ANKRD6: variants seen among roughly 807,000 people sequenced by gnomAD.
The protein encoded by ANKRD6 is ankyrin repeat domain-containing protein 6.
A neutral mutation model predicts 82.3 loss-of-function variants in ANKRD6; 56 were observed. That is an observed-to-expected ratio of 0.68 (90% CI 0.55 to 0.85). The LOEUF is 0.85. Ranked by LOEUF, ANKRD6 falls within the 40% of genes least tolerant of loss-of-function variation. The pLI, the probability that ANKRD6 is intolerant of heterozygous loss-of-function variation, is 0.00. For synonymous variants in ANKRD6, 347 were observed against 352.1 expected, an observed-to-expected ratio of 0.99 and a Z score of 0.16; for missense variants, 852 against 907.6, an observed-to-expected ratio of 0.94 and a Z score of 0.79.
At chr6:89,538,638 C>T (rs9342200) in intron 1 of ANKRD6, among the ~76,000 whole-genome samples, 24,200 of 152,008 alleles carry the variant, frequency 0.16, 2,413 homozygotes, top group Non-Finnish European at 0.22. Context: ...CTGTTAAGGT[C>T]AAGACTCTAT....
chr6:89,592,836 C>T (rs529353929), intron 2 of ANKRD6, among the ~76,000 whole-genome samples: 10 of 152,240 alleles, frequency 6.6e-5, no homozygotes, highest in Non-Finnish European at 1.5e-4. Context: ...CACCTGTAAT[C>T]CCAGCACTTT....
chr6:89,532,464 C>T (rs2127991796), intron 1 of ANKRD6, among the ~76,000 whole-genome samples: 1 of 152,226 alleles, frequency 6.6e-6, no homozygotes, highest in South Asian at 2.1e-4. Context: ...CCCAAATTTC[C>T]CTGGCTAGGT....
At chr6:89,621,778 A>G (rs1803413728) in intron 9 of ANKRD6, 144 bp from the exon 10 acceptor site, 3 of 759,394 alleles carry the variant, frequency 4.0e-6, no homozygotes, top group Non-Finnish European at 6.9e-6. Context: ...TAGGTGGTCC[A>G]GAGGTGCTTG....
chr6:89,551,913 G>C (rs149591384), intron 1 of ANKRD6, among the ~76,000 whole-genome samples: 1 of 152,110 alleles, frequency 6.6e-6, no homozygotes, highest in Non-Finnish European at 1.5e-5. Context: ...ACAATTCAAG[G>C]TGAGTTTCAT....
intron 1 of ANKRD6, among the ~76,000 whole-genome samples, chr6:89,533,318 G>A (rs1037219530): frequency 1.3e-5 from 2 of 152,180 alleles, no homozygotes; most frequent in African/African-American, 4.8e-5. Flanking sequence ...CTTGTCCAAG[G>A]TCATGTAGTC....
chr6:89,549,063 TGGGC>T (rs1785469849), intron 1 of ANKRD6, among the ~76,000 whole-genome samples: 1 of 151,926 alleles, frequency 6.6e-6, no homozygotes, highest in African/African-American at 2.4e-5. Flanking sequence ...AAAAATTAAC[TGGGC>T]ATGGTGGTGG....
chr6:89,433,636 G>A lies in ANKRD6; in HGVS notation c.-144+261G>A, dbSNP rs868049722. On this transcript the variant is annotated intron_variant, in intron 1 of 15. Transcript: ENST00000339746. This position sits in a 1 kb window ranked among gnomAD's most constrained non-coding sequence, Gnocchi z 4.3. ...GCCTCCCTGGAATATGGAACTTCGG[G>A]CGAGGGAGGTGGAGAACTTTCTTCT... Among the ~76,000 whole-genome samples, 1 of 152,326 alleles carries A rather than the reference G, an allele frequency of 6.6e-6. No individual in the cohort carries two copies. The highest frequency in any genetic ancestry group is 3.4e-3 in the Middle Eastern group (1 of 294).
At chr6:89,546,622 C>T (rs1467207350) in intron 1 of ANKRD6, among the ~76,000 whole-genome samples, 1 of 151,746 alleles carries the variant, frequency 6.6e-6, no homozygotes, top group Admixed American at 6.6e-5. Context: ...CGCCACCATG[C>T]CTGGTTAATT....
At chr6:89,610,392 T>G (rs1799922745) in intron 5 of ANKRD6, among the ~76,000 whole-genome samples, 1 of 152,142 alleles carries the variant, frequency 6.6e-6, no homozygotes, top group Non-Finnish European at 1.5e-5. Flanking sequence ...AGCATAATGT[T>G]TTTGAGATTC....
intron 1 of ANKRD6, among the ~76,000 whole-genome samples, chr6:89,507,341 T>C (rs1004573085): frequency 6.6e-6 from 1 of 152,218 alleles, no homozygotes; most frequent in East Asian, 1.9e-4. Flanking sequence ...TATAAAAATA[T>C]GCAGGAGTGG....
At chr6:89,536,939 G>A (rs1302540422) in intron 1 of ANKRD6, among the ~76,000 whole-genome samples, 1 of 152,178 alleles carries the variant, frequency 6.6e-6, no homozygotes, top group Admixed American at 6.5e-5. Context: ...AACCTCCCGA[G>A]GGGTCCTGGG....
intron 1 of ANKRD6, among the ~76,000 whole-genome samples, chr6:89,456,683 A>G (rs1258518825): frequency 6.6e-6 from 1 of 152,080 alleles, no homozygotes; most frequent in East Asian, 1.9e-4. Context: ...TTTCTTTATT[A>G]CTTGTCTATC....
At position 89,536,172 on chromosome 6, in the gene ANKRD6, C is replaced by G. The variant is rs114868410; in HGVS notation, c.-143-30662C>G. ...TTGAACCTGGAAAACGGAGGTTGCA[C>G]TAAGCCGAGATCGCACCAATGCACT... is the stretch of plus-strand genomic sequence containing the variant. On this transcript the variant is annotated intron_variant, in intron 1 of 15. Transcript: ENST00000339746. 2.7e-3 allele frequency among the ~76,000 whole-genome samples: 412 copies of G among 152,270 alleles called. 1 individual carries two copies. The highest frequency in any genetic ancestry group is 0.011 in the South Asian group (54 of 4,820).
At chr6:89,573,155 T>A (rs1198481395) in intron 2 of ANKRD6, among the ~76,000 whole-genome samples, 1 of 152,174 alleles carries the variant, frequency 6.6e-6, no homozygotes, top group Non-Finnish European at 1.5e-5. Flanking sequence ...TCCTGGGCGA[T>A]CCTACTGCCT....
chr6:89,596,771 A>C (rs1796013731), intron 3 of ANKRD6, among the ~76,000 whole-genome samples: 1 of 152,254 alleles, frequency 6.6e-6, no homozygotes, highest in Non-Finnish European at 1.5e-5. Flanking sequence ...TGGTTCTCTA[A>C]GAAAGGACCA....
At chr6:89,622,075 G>A (rs1281669920) in intron 10 of ANKRD6, 49 bp downstream of exon 10, 4 of 1,560,128 alleles carry the variant, frequency 2.6e-6, no homozygotes, top group Non-Finnish European at 3.5e-6. Flanking sequence ...TGCTCAGAGG[G>A]TGGGAAACTA....
chr6:89,529,024 C>G (rs1417728399), intron 1 of ANKRD6, among the ~76,000 whole-genome samples: 3 of 152,096 alleles, frequency 2.0e-5, no homozygotes, highest in Non-Finnish European at 4.4e-5. Context: ...TTGAAAGGGC[C>G]CTGGGATTGG....
chr6:89,577,888 T>C (rs1791497281), intron 2 of ANKRD6, among the ~76,000 whole-genome samples: 1 of 152,234 alleles, frequency 6.6e-6, no homozygotes. Flanking sequence ...CAAAAGGAAG[T>C]AGACAAAGGT....
At chr6:89,459,437 C>T (rs1773872196) in intron 1 of ANKRD6, among the ~76,000 whole-genome samples, 2 of 152,078 alleles carry the variant, frequency 1.3e-5, no homozygotes, top group Non-Finnish European at 2.9e-5. Flanking sequence ...TTAGAGGAGC[C>T]TCAGGTTAAT....
Sources: allele counts gnomAD v4.1 joint callset (sites outside exome capture counted in the v4.1 genomes callset), GRCh38; gene constraint gnomAD v4.1.1; non-coding constraint Gnocchi (gnomAD v3.1); transcripts MANE v1.5; gene names NCBI Gene and HGNC (gene_info 2026-07-23, HGNC 2026-07-21).